Variants in CACNA2D1 observed in about 807,000 individuals in gnomAD.
The protein encoded by CACNA2D1 is calcium voltage-gated channel auxiliary subunit alpha2delta 1.
A neutral mutation model predicts 171.5 loss-of-function variants in CACNA2D1; 53 were observed. The observed-to-expected ratio is 0.31, with a 90% CI of 0.25 to 0.39. CACNA2D1 has a LOEUF of 0.39. Ranked by LOEUF, CACNA2D1 falls within the 10% of genes least tolerant of loss-of-function variation. The pLI, the probability that CACNA2D1 is intolerant of heterozygous loss-of-function variation, is 1.00. For synonymous variants in CACNA2D1, 442 were observed against 443.1 expected, an observed-to-expected ratio of 1.00 and a Z score of 0.03; for missense variants, 903 against 1,299.8, an observed-to-expected ratio of 0.69 and a Z score of 4.69.
chr7:82,190,121 G>T (rs1798145803), intron 3 of CACNA2D1, among the ~76,000 whole-genome samples: 1 of 151,676 alleles, frequency 6.6e-6, no homozygotes, highest in Non-Finnish European at 1.5e-5. Context: ...TTTAGTGAAG[G>T]GTTGTTACGA....
chr7:82,148,228 G>A (rs1162867812), intron 4 of CACNA2D1, among the ~76,000 whole-genome samples: 1 of 151,756 alleles, frequency 6.6e-6, no homozygotes, highest in South Asian at 2.1e-4. Flanking sequence ...TTAAAAGCAA[G>A]GCTTGTTAAA....
At chr7:82,389,150 A>T (rs10269916) in intron 1 of CACNA2D1, among the ~76,000 whole-genome samples, 4,428 of 137,908 alleles carry the variant, frequency 0.032, 247 homozygotes, top group African/African-American at 0.11. Flanking sequence ...ATATATATTT[A>T]TATATATATA....
intron 3 of CACNA2D1, among the ~76,000 whole-genome samples, chr7:82,261,759 A>G (rs1229713936): frequency 6.6e-6 from 1 of 152,048 alleles, no homozygotes; most frequent in African/African-American, 2.4e-5. Context: ...TCCTACTGCT[A>G]CTTTACTTTC....
At chr7:82,281,918 T>C (rs1420387065) in intron 3 of CACNA2D1, among the ~76,000 whole-genome samples, 1 of 151,978 alleles carries the variant, frequency 6.6e-6, no homozygotes, top group Non-Finnish European at 1.5e-5. Flanking sequence ...ATTTTGAAAA[T>C]CTTTCATAAT....
rs1490391217 is a variant in CACNA2D1 at position 81,979,294 on chromosome 7, T to G, written c.1955+3273A>C. 4.7e-5 allele frequency among the ~76,000 whole-genome samples: 7 copies of G among 150,510 alleles called. No homozygotes were observed. The East Asian group carries it at 1.4e-3, about 30-fold the overall frequency. On this transcript the variant is annotated intron_variant, in intron 24 of 38. Transcript: ENST00000356860. The stretch of plus-strand genomic sequence containing the variant: ...CATATATGTAAATATATTTTAAAAC[T>G]TTGAATTGTAAAAAAAAATATGAAA...
intron 3 of CACNA2D1, among the ~76,000 whole-genome samples, chr7:82,211,544 CTTT>C (rs953752786): frequency 6.6e-6 from 1 of 152,168 alleles, no homozygotes; most frequent in African/African-American, 2.4e-5. Flanking sequence ...TGATGTTGTT[CTTT>C]TTTATGGCTG....
intron 23 of CACNA2D1, 93 bp from the exon 24 acceptor site, chr7:81,982,720 A>G (rs775356540): frequency 1.1e-5 from 9 of 836,894 alleles, no homozygotes; most frequent in Non-Finnish European, 1.9e-5. Flanking sequence ...AGATTACCTA[A>G]TAAGAAAAAT....
intron 3 of CACNA2D1, among the ~76,000 whole-genome samples, chr7:82,318,507 C>G (rs1243225480): frequency 1.3e-5 from 2 of 152,114 alleles, no homozygotes; most frequent in Non-Finnish European, 2.9e-5. Context: ...ATCTCCATTA[C>G]CAAATTCACC....
At chr7:82,077,158 CTTG>C (rs1334899030) in intron 7 of CACNA2D1, among the ~76,000 whole-genome samples, 1 of 152,110 alleles carries the variant, frequency 6.6e-6, no homozygotes, top group Non-Finnish European at 1.5e-5. Context: ...GCAGAAACAA[CTTG>C]TTATTTTAAA....
intron 3 of CACNA2D1, among the ~76,000 whole-genome samples, chr7:82,239,111 A>T (rs1280083189): frequency 2.6e-5 from 4 of 152,134 alleles, no homozygotes; most frequent in Non-Finnish European, 5.9e-5. Flanking sequence ...TTTTAGTTAC[A>T]TTCATTTCTC....
chr7:82,393,843 A>G (rs1442083537), intron 1 of CACNA2D1, among the ~76,000 whole-genome samples: 1 of 152,220 alleles, frequency 6.6e-6, no homozygotes, highest in Non-Finnish European at 1.5e-5. Context: ...TGATATATAT[A>G]ATTTGCATAC....
intron 4 of CACNA2D1, among the ~76,000 whole-genome samples, chr7:82,151,332 T>TAC (rs774846970): frequency 1.5e-4 from 23 of 152,282 alleles, no homozygotes; most frequent in Middle Eastern, 3.4e-3. Flanking sequence ...AAGATCTGTA[T>TAC]ACTTTTCCAA....
At chr7:82,119,678 T>G (rs2129056207) in intron 5 of CACNA2D1, among the ~76,000 whole-genome samples, 1 of 152,324 alleles carries the variant, frequency 6.6e-6, no homozygotes, top group Middle Eastern at 3.4e-3. Flanking sequence ...CAATGGAAAT[T>G]TACTTAACTA....
chr7:82,345,271 A>G (rs1819115419), intron 2 of CACNA2D1, among the ~76,000 whole-genome samples: 1 of 152,336 alleles, frequency 6.6e-6, no homozygotes, highest in South Asian at 2.1e-4. Flanking sequence ...TACACATTTC[A>G]TATTTACATC....
chr7:82,196,210 T>C (rs973419902), intron 3 of CACNA2D1, among the ~76,000 whole-genome samples: 1 of 152,080 alleles, frequency 6.6e-6, no homozygotes, highest in Non-Finnish European at 1.5e-5. Context: ...TCCATATACA[T>C]GGTCTAATAA....
At chr7:82,005,624 T>G in intron 17 of CACNA2D1, 127 bp from the exon 18 acceptor site, 1 of 878,722 alleles carries the variant, frequency 1.1e-6, no homozygotes, top group African/African-American at 1.7e-5. Flanking sequence ...TGGAATCATT[T>G]TATTTTAGAG....
intron 3 of CACNA2D1, among the ~76,000 whole-genome samples, chr7:82,192,954 A>G (rs976803363): frequency 2.6e-5 from 4 of 151,950 alleles, no homozygotes; most frequent in East Asian, 3.8e-4. Flanking sequence ...TCTTTAAAAC[A>G]AAAAGTTATT....
At chr7:82,308,083 C>A (rs1263549468) in intron 3 of CACNA2D1, among the ~76,000 whole-genome samples, 1 of 152,126 alleles carries the variant, frequency 6.6e-6, no homozygotes, top group Admixed American at 6.5e-5. Context: ...TTCTTATTGG[C>A]AAGATTTTTG....
In CACNA2D1 at chr7:81,959,838, T is replaced by C. The variant is rs764920745; in HGVS notation, c.2967-9A>G. ...TTTCTCCATGAAAGATTCTGCAAAA[T>C]AAATATGGTATCATAGAAAATGAGT... On this transcript the variant is annotated splice_polypyrimidine_tract_variant and intron_variant, in intron 36 of 38. Coordinates refer to ENST00000356860, the MANE Select transcript of CACNA2D1 (RefSeq NM_000722.4). 3.1e-6 allele frequency: 5 copies of C among 1,610,312 alleles called. No individual in the cohort carries two copies. Among genetic ancestry groups the C allele is most frequent in the Non-Finnish European group, 4.2e-6 (5 of 1,177,952 alleles).
Sources: allele counts gnomAD v4.1 joint callset (sites outside exome capture counted in the v4.1 genomes callset), GRCh38; gene constraint gnomAD v4.1.1; transcripts MANE v1.5; gene names NCBI Gene and HGNC (gene_info 2026-07-23, HGNC 2026-07-21).